The following TRPM4 variants were observed in gnomAD, a reference collection of about 807,000 sequenced individuals.
The protein encoded by TRPM4 is calcium-activated non-selective cation channel 1.
In TRPM4, 124 loss-of-function variants were observed where a neutral mutation model predicts 135.6. The ratio of observed to expected loss-of-function variants is 0.91; its 90% CI spans 0.79 to 1.06. The LOEUF is 1.06. TRPM4 is among the 50% of genes least tolerant of loss of function. TRPM4 has a pLI of 0.00. For synonymous variants in TRPM4, 745 were observed against 705.6 expected, an observed-to-expected ratio of 1.06 and a Z score of -0.88; for missense variants, 1,658 against 1,671.4, an observed-to-expected ratio of 0.99 and a Z score of 0.14.
chr19:49,182,467 TCCA>T (rs1968012602), intron 10 of TRPM4, 108 bp from the exon 11 acceptor site: 1 of 414,808 alleles, frequency 2.4e-6, no homozygotes, highest in African/African-American at 3.1e-5. Context: ...CATCCATCCA[TCCA>T]TCCATCCATC....
intron 9 of TRPM4, among the ~76,000 whole-genome samples, chr19:49,176,993 A>C (rs779751042): frequency 6.6e-6 from 1 of 152,082 alleles, no homozygotes; most frequent in African/African-American, 2.4e-5. Context: ...ATAAGCCTCC[A>C]TGGCAAGGTA....
Position 49,196,455 on chromosome 19 carries a change from C to G in TRPM4, c.2226C>G (p.Ala742=). ...GEGPVGTADP[A]EKTPLGVPRQ... ...TCCCCCACAGGACGGCGGACCCAGC[C>G]GAGAAGACGCCGCTGGGGGTCCCGC... is the stretch of plus-strand genomic sequence containing the variant. Residue 742 remains alanine, a synonymous_variant, in exon 17 of 25, where the codon GCC becomes GCG. Coordinates refer to ENST00000252826, the MANE Select transcript of TRPM4 (RefSeq NM_017636.4). 1.9e-6 allele frequency: 3 copies of G among 1,546,758 alleles called. No homozygotes were observed. The highest frequency in any genetic ancestry group is 2.0e-5 in the Admixed American group (1 of 49,988).
At chr19:49,192,685 G>A (rs1057034991) in intron 16 of TRPM4, among the ~76,000 whole-genome samples, 34 of 152,078 alleles carry the variant, frequency 2.2e-4, no homozygotes, top group African/African-American at 8.0e-4. Context: ...GGAGGACAGA[G>A]GGTAGGGCGA....
Position 49,200,308 on chromosome 19 carries a change from C to T in TRPM4, c.2654C>T (p.Pro885Leu), listed in dbSNP as rs371259147. The T allele has an allele frequency of 2.5e-6, 4 of 1,613,990 alleles. No homozygotes were observed. Among genetic ancestry groups the T allele is most frequent in the African/African-American group, 2.7e-5 (2 of 74,896 alleles). ...ATCTCCCCACACCCCAGGCTGACCCCGGGTTTGTACCACCTGGGCCGCACT... is the reference window on the plus strand; with the variant it reads ...ATCTCCCCACACCCCAGGCTGACCCTGGGTTTGTACCACCTGGGCCGCACT... ...FLLGVGCRLT[P>L]GLYHLGRTVL... is the part of the protein sequence containing the mutation. The change falls in exon 18 of 25, where the codon CCG (proline) becomes CTG (leucine). Residue 885 changes from proline (P) to leucine (L), a missense_variant. Pro to Leu is a moderately conservative substitution (Grantham distance 98, BLOSUM62 -3). This residue lies in a region of TRPM4 where 1,412 missense variants were observed against 1,408.7 expected (regional missense o/e 1.00). Coordinates refer to ENST00000252826, the MANE Select transcript of TRPM4 (RefSeq NM_017636.4).
intron 9 of TRPM4, among the ~76,000 whole-genome samples, chr19:49,180,893 C>CCCAT (rs1359940372): frequency 6.6e-6 from 1 of 151,942 alleles, no homozygotes; most frequent in Non-Finnish European, 1.5e-5. Context: ...ATTTATCCAT[C>CCCAT]CCATCCATCC....
At position 49,202,099 on chromosome 19, in the gene TRPM4, TGG is replaced by T; in HGVS notation, c.3090_3091del (p.Ala1031GlnfsTer84). The stretch of plus-strand genomic sequence containing the variant: ...CTGCTCCTCGTCATCTTCCTGCTCG[TGG>T]CCAACATCCTGCTGGTCAACTTGCT... On this transcript the variant is annotated frameshift_variant, in exon 20 of 25. Transcript: ENST00000252826. LOFTEE classifies it high-confidence loss of function. The T allele has an allele frequency of 3.1e-6, 5 of 1,614,122 alleles. No individual in the cohort carries two copies. The highest frequency in any genetic ancestry group is 3.4e-6 in the Non-Finnish European group (4 of 1,180,042).
In TRPM4 at chr19:49,190,456, A is replaced by G. The variant is rs532014158; in HGVS notation, c.2132+136A>G. 1.9e-3 allele frequency: 1,659 copies of G among 878,834 alleles called. 52 individuals carry two copies. In the South Asian group the frequency reaches 0.024, roughly 13 times the overall value. The allele number at this position is 878,834 out of a possible 1,614,324, so 54.4% of individuals were successfully genotyped here. Reference sequence around the variant, plus strand: ...TAGGAATGGGACTCTCTGTCCCTCCACTAAGGGAGTGCTGTGGGAGGTGAG... The same window carrying G: ...TAGGAATGGGACTCTCTGTCCCTCCGCTAAGGGAGTGCTGTGGGAGGTGAG... On this transcript the variant is annotated intron_variant, in intron 15 of 24. Transcript: ENST00000252826.
intron 18 of TRPM4, 35 bp from the exon 19 acceptor site, chr19:49,200,576 A>G: frequency 1.9e-6 from 3 of 1,607,208 alleles, no homozygotes; most frequent in Non-Finnish European, 1.7e-6. Context: ...AGAGTAGGAA[A>G]GGGCGGGGCC....
rs752511734 is a variant in TRPM4, at chr19:49,210,787, C to A, written c.3406C>A (p.Arg1136Ser). 6 of 1,613,990 alleles carry A rather than the reference C, an allele frequency of 3.7e-6. No individual in the cohort carries two copies. In the South Asian group the frequency reaches 4.4e-5, roughly 12 times the overall value. ...GCATAAGGAGAACTTTCTGCTGGCA[C>A]GCGCTAGGGACAAGCGGGAGAGCGA... is the stretch of plus-strand genomic sequence containing the variant. ...SVHKENFLLA[R>S]ARDKRESDSE... Residue 1136 changes from arginine (R) to serine (S), a missense_variant, in exon 22 of 25, where the codon CGC (arginine) becomes AGC (serine). Coordinates refer to ENST00000252826, the MANE Select transcript of TRPM4 (RefSeq NM_017636.4). This position sits in a 1 kb window ranked among gnomAD's most constrained non-coding sequence, Gnocchi z 4.1.
At position 49,190,877 on chromosome 19, in the gene TRPM4, T is replaced by C; in HGVS notation, c.2210+104T>C. The C allele has an allele frequency of 5.1e-6, 5 of 974,892 alleles. No individual in the cohort carries two copies. In the South Asian group the frequency reaches 5.9e-5, roughly 12 times the overall value. The allele number at this position is 974,892 out of a possible 1,614,324, so 60.4% of individuals were successfully genotyped here. ...AGTCCCCTCTTGAGTTGCTACAAAG[T>C]TGCTAAACCTGAGACTGAGTAATTT... On this transcript the variant is annotated intron_variant, in intron 16 of 24. Transcript: ENST00000252826.
intron 17 of TRPM4, 31 bp downstream of exon 17, chr19:49,196,905 C>A (rs1338814108): frequency 6.5e-7 from 1 of 1,543,274 alleles, no homozygotes; most frequent in Non-Finnish European, 8.7e-7. Context: ...GAACCCTGGC[C>A]CCTGGCCACC....
At chr19:49,165,950 G>A in intron 2 of TRPM4, 91 bp from the exon 3 acceptor site, 3 of 1,334,352 alleles carry the variant, frequency 2.2e-6, no homozygotes, top group Non-Finnish European at 3.1e-6. Flanking sequence ...ACTCAGTGTC[G>A]ACAGCCCCCT....
intron 2 of TRPM4, among the ~76,000 whole-genome samples, chr19:49,162,194 A>C (rs12980226): frequency 0.32 from 48,537 of 151,968 alleles, 7,962 homozygotes; most frequent in South Asian, 0.4. Flanking sequence ...ATGAAACCTG[A>C]ATAAGGGCCG....
chr19:49,168,752 C>G lies in TRPM4; in HGVS notation c.796+16C>G, dbSNP rs779490161. On this transcript the variant is annotated intron_variant, in intron 6 of 24. Transcript: ENST00000252826. ...GGCGTGGGAGGTGAGTGGTCGAACC[C>G]ATGACCCACAACCCACGACCCACAA... is the stretch of plus-strand genomic sequence containing the variant. The G allele has an allele frequency of 5.5e-5, 86 of 1,576,718 alleles. No homozygotes were observed. The highest frequency in any genetic ancestry group is 6.4e-5 in the Non-Finnish European group (74 of 1,162,248).
At chr19:49,158,032 C>A in intron 1 of TRPM4, 142 bp downstream of exon 1, 1 of 1,272,738 alleles carries the variant, frequency 7.9e-7, no homozygotes. Flanking sequence ...GGGTCCAGGG[C>A]ATGGGGGTCG....
chr19:49,208,125 T>A (rs572437223), intron 20 of TRPM4, among the ~76,000 whole-genome samples: 1 of 136,648 alleles, frequency 7.3e-6, no homozygotes, highest in South Asian at 2.1e-4. Flanking sequence ...AAGACTTTAA[T>A]ACTTTAATAC....
In TRPM4 at chr19:49,166,055, A is replaced by G; in HGVS notation, c.107A>G (p.Gln36Arg). 6.3e-7 allele frequency: 1 copy of G among 1,597,490 alleles called. No individual in the cohort carries two copies. The highest frequency in any genetic ancestry group is 8.5e-7 in the Non-Finnish European group (1 of 1,174,060). The change falls in exon 3 of 25, where the codon CAG (glutamine) becomes CGG (arginine). Residue 36 changes from glutamine to arginine, a missense_variant. This residue lies in a region of TRPM4 where 239 missense variants were observed against 240.1 expected (regional missense o/e 1.00). Transcript: ENST00000252826. ...CGCACCCCCAGAGGGACCTTGTGCC[A>G]GTGTGGGCGCCCCCGGACCGCCCAC... is the stretch of plus-strand genomic sequence containing the variant. ...DSTDPGGTLC[Q>R]CGRPRTAHPA...
chr19:49,187,730 C>T (rs1968250767), intron 12 of TRPM4, among the ~76,000 whole-genome samples: 1 of 152,124 alleles, frequency 6.6e-6, no homozygotes, highest in South Asian at 2.1e-4. Context: ...TTTATTATCA[C>T]TCAAATCAGT....
chr19:49,206,704 T>G (rs1471873619), intron 20 of TRPM4, among the ~76,000 whole-genome samples: 1 of 152,070 alleles, frequency 6.6e-6, no homozygotes, highest in East Asian at 1.9e-4. Context: ...CTCCCAAAGT[T>G]CTGGGATTAC....
Sources: gnomAD v4.1 joint callset for allele counts (sites outside exome capture counted in the v4.1 genomes callset) on GRCh38, gnomAD v4.1.1 for gene constraint, gnomAD v4.1.1 regional missense constraint, Gnocchi (gnomAD v3.1) non-coding constraint, MANE v1.5 for transcripts, NCBI Gene and HGNC (gene_info 2026-07-23, HGNC 2026-07-21) for gene names.